Variants in BLTP1 observed in about 807,000 individuals in gnomAD.
BLTP1 encodes the protein fragile site-associated protein.
chr4:122,287,618 T>C, the BLTP1 span: 1 of 984,978 alleles, frequency 1.0e-6, no homozygotes, highest in Non-Finnish European at 1.2e-6. Context: ...TTATAAATTT[T>C]GTTCTCCATA....
At chr4:122,228,734 G>A in the BLTP1 span, among the ~76,000 whole-genome samples, 9 of 152,226 alleles carry the variant, frequency 5.9e-5, no homozygotes, top group East Asian at 1.9e-4. Context: ...ACATCTGTGC[G>A]TATGGAGTAC....
At chr4:122,319,543 T>C in the BLTP1 span, among the ~76,000 whole-genome samples, 1 of 147,804 alleles carries the variant, frequency 6.8e-6, no homozygotes, top group Non-Finnish European at 1.5e-5. Context: ...TTTATAATTT[T>C]TTTTTTTTTT....
At chr4:122,347,791 C>T in the BLTP1 span, 1 of 1,600,790 alleles carries the variant, frequency 6.2e-7, no homozygotes, top group Non-Finnish European at 8.6e-7. Context: ...TAACACTGCT[C>T]TTTTTGTTAT....
the BLTP1 span, among the ~76,000 whole-genome samples, chr4:122,203,128 G>T: frequency 6.6e-6 from 1 of 151,766 alleles, no homozygotes; most frequent in Non-Finnish European, 1.5e-5. Flanking sequence ...CATAGTGTTT[G>T]GATTGCTTTG....
the BLTP1 span, chr4:122,359,839 G>A: frequency 7.0e-7 from 1 of 1,429,714 alleles, no homozygotes; most frequent in Non-Finnish European, 9.1e-7. Flanking sequence ...TTAGTCTCCT[G>A]TAATGTCTAT....
the BLTP1 span, chr4:122,156,059 C>T: frequency 4.5e-6 from 3 of 672,308 alleles, no homozygotes; most frequent in Non-Finnish European, 5.5e-6. Flanking sequence ...ATTCTGGGGC[C>T]ATTTACTGAG....
chr4:122,195,670 C>T, the BLTP1 span: 3 of 820,796 alleles, frequency 3.7e-6, no homozygotes, highest in Non-Finnish European at 1.5e-6. Flanking sequence ...ATCTACCCAC[C>T]TTGTAGTCAA....
chr4:122,171,248 C>G, the BLTP1 span, among the ~76,000 whole-genome samples: 1 of 151,958 alleles, frequency 6.6e-6, no homozygotes, highest in Non-Finnish European at 1.5e-5. Flanking sequence ...ATAGAAATAG[C>G]TTAAACTAAA....
At chr4:122,246,095 G>A in the BLTP1 span, 4 of 1,486,738 alleles carry the variant, frequency 2.7e-6, no homozygotes, top group African/African-American at 4.3e-5. Context: ...TTGCTGTTGT[G>A]GATGATGTGG....
chr4:122,276,860 C>A, the BLTP1 span: 1 of 980,840 alleles, frequency 1.0e-6, no homozygotes, highest in African/African-American at 1.8e-5. Context: ...CAATCAAGAC[C>A]TCTGATAGAG....
chr4:122,356,315 C>T, the BLTP1 span, among the ~76,000 whole-genome samples: 1 of 152,116 alleles, frequency 6.6e-6, no homozygotes, highest in Non-Finnish European at 1.5e-5. Flanking sequence ...ACTGACATGA[C>T]ACAGGAAATG....
chr4:122,192,441 A>G, the BLTP1 span: 1 of 1,088,394 alleles, frequency 9.2e-7, no homozygotes, highest in South Asian at 1.9e-5. Flanking sequence ...ATATAATTTT[A>G]AATAAAAGCT....
At chr4:122,347,347 A>G in the BLTP1 span, 9 of 837,916 alleles carry the variant, frequency 1.1e-5, no homozygotes, top group Admixed American at 6.2e-5. Flanking sequence ...TGGAGTTTAA[A>G]CAAAACACTG....
chr4:122,185,092 T>C, the BLTP1 span: 1 of 985,048 alleles, frequency 1.0e-6, no homozygotes, highest in Non-Finnish European at 1.2e-6. Context: ...TAATTTTGGC[T>C]GGCTCAGACT....
chr4:122,188,237 C>T, the BLTP1 span: 1 of 1,013,222 alleles, frequency 9.9e-7, no homozygotes, highest in Non-Finnish European at 1.3e-6. Context: ...TGTAGTCCTT[C>T]TTTATAGGAT....
the BLTP1 span, chr4:122,187,972 T>C: frequency 2.5e-6 from 4 of 1,597,534 alleles, no homozygotes; most frequent in Non-Finnish European, 3.4e-6. Flanking sequence ...TAACTTATAC[T>C]ACAAAACCAC....
the BLTP1 span, among the ~76,000 whole-genome samples, chr4:122,252,211 C>G: frequency 5.8e-4 from 88 of 152,294 alleles, no homozygotes; most frequent in African/African-American, 2.0e-3. Context: ...TAGGTGTGAC[C>G]TAGCACGTTC....
chr4:122,328,258 G>A, the BLTP1 span: 44 of 1,610,888 alleles, frequency 2.7e-5, no homozygotes, highest in East Asian at 1.8e-4. Context: ...GAAGAGGGCC[G>A]ACGGGATGAC....
chr4:122,321,935 C>CTT, the BLTP1 span, among the ~76,000 whole-genome samples: 4 of 40,938 alleles, frequency 9.8e-5, no homozygotes, highest in African/African-American at 3.5e-4. Flanking sequence ...TTTTCATTAT[C>CTT]TTTTTTTTTT....
Sources: allele counts gnomAD v4.1 joint callset (sites outside exome capture counted in the v4.1 genomes callset), GRCh38; gene constraint gnomAD v4.1.1; transcripts MANE v1.5; gene names NCBI Gene and HGNC (gene_info 2026-07-23, HGNC 2026-07-21).